ZNF718: variants seen among roughly 807,000 people sequenced by gnomAD.
The protein encoded by ZNF718 is zinc finger protein 718.
ZNF718 carries 3 observed loss-of-function variants against 2.6 expected under a neutral mutation model. That is an observed-to-expected ratio of 1.16 (90% CI 0.53 to 3.01). The LOEUF (loss-of-function observed/expected upper bound fraction) is 3.01. ZNF718 is among the 30% of genes most tolerant of loss of function. The pLI is 0.03. For synonymous variants in ZNF718, 135 were observed against 77.9 expected (o/e 1.73, Z -3.86); for missense variants, 468 against 230.0 (o/e 2.03, Z -6.69).
At chr4:185,741 C>G (rs1253470003) in intron 3 of ZNF718, among the ~76,000 whole-genome samples, 2 of 152,064 alleles carry the variant, frequency 1.3e-5, no homozygotes, top group African/African-American at 4.8e-5. Flanking sequence ...AACCTTTACC[C>G]TTATGTAATG....
intron 3 of ZNF718, among the ~76,000 whole-genome samples, chr4:152,909 G>C (rs1443808346): frequency 6.6e-6 from 1 of 151,576 alleles, no homozygotes; most frequent in Non-Finnish European, 1.5e-5. Flanking sequence ...TTTTTGCTAT[G>C]CAAAACATTT....
At position 128,268 on chromosome 4, in the gene ZNF718, A is replaced by AT. The variant is rs1372641341; in HGVS notation, c.4-2515dup. 2.9e-5 allele frequency among the ~76,000 whole-genome samples: 3 copies of AT among 103,672 alleles called. 1 individual carries two copies. The highest frequency in any genetic ancestry group is 1.0e-4 in the African/African-American group (3 of 29,836). 68.0% of individuals were successfully genotyped at this position (103,672 alleles called of 152,430 possible). ...GGTCAATGTAGACATCTTAAGCCCC[A>AT]TTTTTAGAGTGGGGCCCTTTGAGTT... On this transcript the variant is annotated intron_variant, in intron 1 of 3. Coordinates refer to ENST00000510175, the MANE Select transcript of ZNF718 (RefSeq NM_001039127.6).
At chr4:124,785 C>G in intron 1 of ZNF718, 112 bp downstream of exon 1, 2 of 1,451,538 alleles carry the variant, frequency 1.4e-6, no homozygotes, top group African/African-American at 1.4e-5. Context: ...GCCCTCTGTC[C>G]TCAGTCCCCT....
At chr4:168,746 CTTCT>C (rs1377206804), downstream of ZNF718, among the ~76,000 whole-genome samples, 2 of 151,846 alleles carry the variant, frequency 1.3e-5, no homozygotes, top group African/African-American at 4.8e-5. Context: ...TCTCTCTTTT[CTTCT>C]TTATTAGTCT....
At chr4:148,121 G>A (rs1716148380) in intron 3 of ZNF718, among the ~76,000 whole-genome samples, 1 of 152,154 alleles carries the variant, frequency 6.6e-6, no homozygotes, top group Admixed American at 6.5e-5. Context: ...CAGATTTCTG[G>A]GCGGGCAGGA....
Position 161,572 on chromosome 4 carries a change from C to A in ZNF718, c.887C>A (p.Ser296Ter), listed in dbSNP as rs1553815209. 1.3e-6 allele frequency: 1 copy of A among 780,964 alleles called. No homozygotes were observed. The highest frequency in any genetic ancestry group is 1.7e-5 in the African/African-American group (1 of 59,272). The allele number at this position is 780,964 out of a possible 1,614,324, so 48.4% of individuals were successfully genotyped here. Reference protein sequence around the residue: ...EECGKAFKWSSSLNEHKRIHA... With the variant: ...EECGKAFKWS ...TGTGGTAAAGCCTTTAAGTGGTCCT[C>A]ATCCCTTAATGAACATAAGAGAATT... The change falls in exon 4 of 4, where the codon TCA becomes TAA. Residue 296 changes from serine (S) to a stop codon, truncating the protein, a stop_gained. Coordinates refer to ENST00000510175, the MANE Select transcript of ZNF718 (RefSeq NM_001039127.6). LOFTEE classifies it low-confidence loss of function (END_TRUNC).
chr4:172,360 T>C (rs1717256622), intron 3 of ZNF718, among the ~76,000 whole-genome samples: 1 of 152,238 alleles, frequency 6.6e-6, no homozygotes, highest in Admixed American at 6.5e-5. Context: ...AATTTAAATA[T>C]ATAGTCATCT....
intron 3 of ZNF718, among the ~76,000 whole-genome samples, chr4:196,607 TGAGAA>T (rs1717797359): frequency 6.6e-6 from 1 of 152,126 alleles, no homozygotes; most frequent in Non-Finnish European, 1.5e-5. Flanking sequence ...AGGCAACTGT[TGAGAA>T]GAGACTTCTG....
chr4:134,714 G>T (rs554253077), intron 3 of ZNF718, among the ~76,000 whole-genome samples: 12 of 151,598 alleles, frequency 7.9e-5, no homozygotes, highest in Middle Eastern at 3.4e-3. Context: ...TTTTTAAATT[G>T]TTGCAAATGA....
chr4:186,845 A>G (rs1242536678), intron 3 of ZNF718, among the ~76,000 whole-genome samples: 2 of 152,128 alleles, frequency 1.3e-5, no homozygotes, highest in Non-Finnish European at 2.9e-5. Flanking sequence ...ACTGGGTTAC[A>G]ATGTGCCCCT....
rs147263949 is a variant in ZNF718 at position 154,158 on chromosome 4, G to A, written c.227-6754G>A. On this transcript the variant is annotated intron_variant, in intron 3 of 3. Coordinates refer to ENST00000510175, the MANE Select transcript of ZNF718 (RefSeq NM_001039127.6). ...TCCTGCCATATATGACATGACTTTT[G>A]GCTTCTGCCATGATTTTGAGGCCTC... Among the ~76,000 whole-genome samples the A allele has an allele frequency of 6.0e-3, 909 of 152,134 alleles. 4 individuals carry two copies. Among genetic ancestry groups the A allele is most frequent in the Middle Eastern group, 0.02 (6 of 294 alleles).
intron 3 of ZNF718, among the ~76,000 whole-genome samples, chr4:194,241 A>G (rs1052893725): frequency 1.3e-5 from 2 of 152,218 alleles, no homozygotes; most frequent in African/African-American, 4.8e-5. Context: ...TTGGCCCTCA[A>G]TAGAGTCAGG....
At chr4:124,712 C>T in intron 1 of ZNF718, 39 bp downstream of exon 1, 1 of 1,606,634 alleles carries the variant, frequency 6.2e-7, no homozygotes, top group Non-Finnish European at 8.5e-7. Flanking sequence ...GCTGTGGAGG[C>T]CTCATCGGAA....
intron 3 of ZNF718, among the ~76,000 whole-genome samples, chr4:199,548 C>T (rs1278382804): frequency 6.6e-6 from 1 of 152,152 alleles, no homozygotes; most frequent in Admixed American, 6.5e-5. Flanking sequence ...AGATGCCTTC[C>T]TAAGAATGGT....
intron 3 of ZNF718, among the ~76,000 whole-genome samples, chr4:177,405 A>G (rs1365032962): frequency 6.6e-6 from 1 of 152,192 alleles, no homozygotes; most frequent in African/African-American, 2.4e-5. Flanking sequence ...CAAGTCCAGA[A>G]TCATGTGAGA....
intron 3 of ZNF718, among the ~76,000 whole-genome samples, chr4:192,545 GT>G (rs1553821386): frequency 2.9e-4 from 44 of 152,126 alleles, no homozygotes; most frequent in African/African-American, 9.4e-4. Context: ...CTGTCTCTCA[GT>G]CCCCCCTCTC....
intron 3 of ZNF718, among the ~76,000 whole-genome samples, chr4:133,791 T>C (rs1715435477): frequency 6.6e-6 from 1 of 152,218 alleles, no homozygotes; most frequent in African/African-American, 2.4e-5. Flanking sequence ...AACCTGGATT[T>C]TTCTGATAAA....
In ZNF718 at chr4:124,573, TCGG is replaced by T; in HGVS notation, c.-97_-95del. 1.3e-6 allele frequency: 2 copies of T among 1,548,704 alleles called. No homozygotes were observed. Among genetic ancestry groups the T allele is most frequent in the Non-Finnish European group, 1.8e-6 (2 of 1,134,766 alleles). ...TCTGCTCCCGCTCCTTAGGGAAGCC[TCGG>T]TGATTCTGCCACAGCCTCAGCCTCT... On this transcript the variant is annotated 5_prime_UTR_variant, in exon 1 of 4. Transcript: ENST00000510175.
chr4:171,993 C>T (rs1042208111), intron 3 of ZNF718, among the ~76,000 whole-genome samples: 4 of 152,086 alleles, frequency 2.6e-5, no homozygotes, highest in African/African-American at 7.2e-5. Flanking sequence ...CTCCACCTGT[C>T]GAGATATTTT....
Sources: gnomAD v4.1 joint callset for allele counts (sites outside exome capture counted in the v4.1 genomes callset) on GRCh38, gnomAD v4.1.1 for gene constraint, MANE v1.5 for transcripts, NCBI Gene and HGNC (gene_info 2026-07-23, HGNC 2026-07-21) for gene names.